The following PPP2R5C variants were observed in gnomAD, a reference collection of about 807,000 sequenced individuals.
PPP2R5C encodes serine/threonine-protein phosphatase 2A 56 kDa regulatory subunit gamma isoform.
PPP2R5C carries 7 observed loss-of-function variants against 68.9 expected under a neutral mutation model. The ratio of observed to expected loss-of-function variants is 0.10; its 90% CI spans 0.06 to 0.19. The LOEUF (loss-of-function observed/expected upper bound fraction) is 0.19. Among genes scored for constraint, PPP2R5C ranks in the 10% least tolerant of loss-of-function variants. The pLI is 1.00. For missense variants in PPP2R5C, 348 were observed against 641.3 expected (o/e 0.54, Z 4.94); for synonymous variants, 210 against 222.2 (o/e 0.95, Z 0.49).
At position 101,924,445 on chromosome 14, in the gene PPP2R5C, C is replaced by CTTTTTTTTTTTTTTTT. The variant is rs11325673; in HGVS notation, c.1444-684_1444-683insTTTTTTTTTTTTTTTT. On this transcript the variant is annotated intron_variant, in intron 13 of 13. Transcript: ENST00000334743. The stretch of plus-strand genomic sequence containing the variant: ...TTTACCTCCAAGGAAATTTCTACAT[C>CTTTTTTTTTTTTTTTT]TTTTTTTTTTTTGAGATGGAGTCTG... 1.1e-3 allele frequency among the ~76,000 whole-genome samples: 90 copies of CTTTTTTTTTTTTTTTT among 84,452 alleles called. 12 individuals are homozygous for CTTTTTTTTTTTTTTTT. Among genetic ancestry groups the CTTTTTTTTTTTTTTTT allele is most frequent in the East Asian group, 2.5e-3 (10 of 3,930 alleles). The allele number at this position is 84,452 out of a possible 152,430, so 55.4% of individuals were successfully genotyped here. A position where few individuals can be genotyped will look rare whatever the true frequency, so the allele number is the denominator to read the frequency against.
At chr14:101,897,024 G>A (rs1310847797) in intron 8 of PPP2R5C, among the ~76,000 whole-genome samples, 2 of 152,124 alleles carry the variant, frequency 1.3e-5, no homozygotes, top group African/African-American at 4.8e-5. Context: ...TCCTATGACT[G>A]CAGAGGTAGC....
At chr14:101,790,152 A>G (rs551229128) in intron 3 of PPP2R5C, among the ~76,000 whole-genome samples, 10 of 152,028 alleles carry the variant, frequency 6.6e-5, no homozygotes, top group Non-Finnish European at 1.5e-4. Context: ...TTGCTTTTTA[A>G]TAATAAAAGA....
At chr14:101,919,969 C>CCAAAAAAAAA (rs775818748) in intron 13 of PPP2R5C, among the ~76,000 whole-genome samples, 4 of 52,880 alleles carry the variant, frequency 7.6e-5, no homozygotes, top group East Asian at 1.2e-3. Context: ...AACTCCGTCT[C>CCAAAAAAAAA]AAAAAAAAAA....
Position 101,912,595 on chromosome 14 carries a change from C to G in PPP2R5C, c.1326+122C>G, listed in dbSNP as rs969424338. 1.3e-5 allele frequency: 18 copies of G among 1,352,686 alleles called. No individual in the cohort carries two copies. In the East Asian group the frequency reaches 2.5e-4, roughly 19 times the overall value. The allele number at this position is 1,352,686 out of a possible 1,614,324, so 83.8% of individuals were successfully genotyped here. On this transcript the variant is annotated intron_variant, in intron 12 of 13. Coordinates refer to ENST00000334743, the Ensembl canonical transcript of PPP2R5C. ...TCACTAACGTTGTATATGAAAATGTCTGCAATAAAAAGTACTTTTAAACTT... is the reference window on the plus strand; with the variant it reads ...TCACTAACGTTGTATATGAAAATGTGTGCAATAAAAAGTACTTTTAAACTT...
In PPP2R5C at chr14:101,835,596, A is replaced by G. The variant is rs1050308642; in HGVS notation, c.95-21090A>G. ...TGATTTCAATTCACGGGCTTTTTCCATTGAGGAATTTAAAGGTCTTAGAAG... is the reference window on the plus strand; with the variant it reads ...TGATTTCAATTCACGGGCTTTTTCCGTTGAGGAATTTAAAGGTCTTAGAAG... On this transcript the variant is annotated intron_variant, in intron 1 of 13. Transcript: ENST00000334743. The surrounding 1 kb of genome is among the most constrained non-coding windows in gnomAD (Gnocchi z 5.0). 2.0e-5 allele frequency among the ~76,000 whole-genome samples: 3 copies of G among 152,194 alleles called. No individual in the cohort carries two copies. The highest frequency in any genetic ancestry group is 4.8e-5 in the African/African-American group (2 of 41,430).
At chr14:101,807,943 T>A (rs1374302435), upstream of PPP2R5C, among the ~76,000 whole-genome samples, 3 of 149,330 alleles carry the variant, frequency 2.0e-5, no homozygotes, top group Middle Eastern at 3.2e-3. Flanking sequence ...TTTTTTCATC[T>A]TATCTCGTAT....
intron 2 of PPP2R5C, among the ~76,000 whole-genome samples, chr14:101,775,983 G>C (rs1177626295): frequency 6.6e-6 from 1 of 151,976 alleles, no homozygotes; most frequent in Admixed American, 6.6e-5. Context: ...GCTTCCATTT[G>C]AGTGGCCGAC....
At chr14:101,921,840 T>C in intron 13 of PPP2R5C, 2 of 421,874 alleles carry the variant, frequency 4.7e-6, no homozygotes, top group Non-Finnish European at 6.3e-6. Context: ...AATTCAACCA[T>C]GTATCTACCT....
At chr14:101,809,399 A>C (rs1006924528), upstream of PPP2R5C, among the ~76,000 whole-genome samples, 13 of 150,972 alleles carry the variant, frequency 8.6e-5, no homozygotes, top group African/African-American at 2.2e-4. Flanking sequence ...TGTTAAAAAA[A>C]AAAAACAAAA....
chr14:101,793,159 T>C (rs1255425829), intron 3 of PPP2R5C, among the ~76,000 whole-genome samples: 1 of 152,164 alleles, frequency 6.6e-6, no homozygotes, highest in African/African-American at 2.4e-5. Context: ...ATTACAGGCA[T>C]GAGCCACCAC....
chr14:101,894,580 C>T lies in PPP2R5C; in HGVS notation c.852+20C>T, dbSNP rs760528260. ...GAACCAGTAAGTACTGATGCTAGCG[C>T]GTCTTGTAAGATGTGTGCATTTCAC... On this transcript the variant is annotated intron_variant, in intron 8 of 13. Coordinates refer to ENST00000334743, the Ensembl canonical transcript of PPP2R5C. 3.6e-5 allele frequency: 58 copies of T among 1,606,266 alleles called. No homozygotes were observed. The highest frequency in any genetic ancestry group is 1.7e-5 in the Non-Finnish European group (20 of 1,173,142).
rs2044203998 is a variant in PPP2R5C at position 101,882,102 on chromosome 14, A to G, written c.295-59A>G. 7.3e-7 allele frequency: 1 copy of G among 1,364,348 alleles called. No homozygotes were observed. Among genetic ancestry groups the G allele is most frequent in the Admixed American group, 2.4e-5 (1 of 41,334 alleles). 84.5% of individuals were successfully genotyped at this position (1,364,348 alleles called of 1,614,324 possible). ...TTAGAATTACCTAAGACTTTATAAAATGTTGTCTGTAAATATTTTAAATGC... is the reference window on the plus strand; with the variant it reads ...TTAGAATTACCTAAGACTTTATAAAGTGTTGTCTGTAAATATTTTAAATGC... On this transcript the variant is annotated intron_variant, in intron 2 of 13. Coordinates refer to ENST00000334743, the Ensembl canonical transcript of PPP2R5C. The surrounding 1 kb of genome is among the most constrained non-coding windows in gnomAD (Gnocchi z 4.9).
chr14:101,769,125 C>CT (rs1388531180), intron 2 of PPP2R5C, among the ~76,000 whole-genome samples: 2 of 152,234 alleles, frequency 1.3e-5, no homozygotes, highest in African/African-American at 4.8e-5. Context: ...TGCCCAGCCC[C>CT]TTTCATCTTT....
intron 3 of PPP2R5C, among the ~76,000 whole-genome samples, chr14:101,792,737 G>A (rs1373956723): frequency 1.3e-5 from 2 of 152,086 alleles, no homozygotes; most frequent in Non-Finnish European, 2.9e-5. Flanking sequence ...GCCCTTTAGG[G>A]TAGCTCGTGT....
At chr14:101,794,898 G>T (rs181088594) in intron 3 of PPP2R5C, among the ~76,000 whole-genome samples, 5 of 152,094 alleles carry the variant, frequency 3.3e-5, no homozygotes, top group Non-Finnish European at 7.4e-5. Context: ...GAATATTCAG[G>T]TATTAATTAG....
intron 3 of PPP2R5C, 110 bp from the exon 6 acceptor site, chr14:101,883,147 C>A: frequency 1.4e-6 from 1 of 708,892 alleles, no homozygotes. Context: ...AGATATGTGG[C>A]TTTGAGAGGC....
chr14:101,925,343 T>G, exon 14 of PPP2R5C: 2 of 1,577,068 alleles, frequency 1.3e-6, no homozygotes, highest in Non-Finnish European at 1.7e-6. Flanking sequence ...ACATACTTCC[T>G]GTGCCATACC....
intron 3 of PPP2R5C, among the ~76,000 whole-genome samples, chr14:101,802,948 A>AT (rs1201167615): frequency 1.5e-5 from 2 of 135,820 alleles, no homozygotes; most frequent in Non-Finnish European, 3.2e-5. Context: ...GATGGCTACT[A>AT]TTTAAAAAAA....
At chr14:101,909,559 C>G in intron 10 of PPP2R5C, 30 bp from the exon 13 acceptor site, 1 of 1,506,410 alleles carries the variant, frequency 6.6e-7, no homozygotes, top group Non-Finnish European at 9.2e-7. Flanking sequence ...AATGCGTGCT[C>G]CCAGGCTCAC....
Sources: gnomAD v4.1 joint callset for allele counts (sites outside exome capture counted in the v4.1 genomes callset) on GRCh38, gnomAD v4.1.1 for gene constraint, Gnocchi (gnomAD v3.1) non-coding constraint, MANE v1.5 for transcripts, NCBI Gene and HGNC (gene_info 2026-07-23, HGNC 2026-07-21) for gene names.